FAM174B: variants seen among roughly 807,000 people sequenced by gnomAD.
FAM174B encodes family with sequence similarity 174 member B, also known as membrane protein FAM174B.
Under a neutral mutation model 10.9 loss-of-function variants are expected in FAM174B, and 12 were observed. The observed-to-expected ratio is 1.10, with a 90% CI of 0.71 to 1.79. The LOEUF (loss-of-function observed/expected upper bound fraction) is 1.79. Among genes scored for constraint, FAM174B ranks in the 40% most tolerant of loss-of-function variants. FAM174B has a pLI of 0.00. For missense variants in FAM174B, 266 were observed against 233.3 expected, an observed-to-expected ratio of 1.14 and a Z score of -0.91; for synonymous variants, 132 against 115.8, an observed-to-expected ratio of 1.14 and a Z score of -0.90.
chr15:92,630,772 A>ATATTTTATATATTACATATTACATATTAT lies in FAM174B; in HGVS notation c.345-428_345-427insATAATATGTAATATGTAATATATAAAATA, dbSNP rs1596296609. Among the ~76,000 whole-genome samples the ATATTTTATATATTACATATTACATATTAT allele has an allele frequency of 9.9e-5, 13 of 130,942 alleles. 5 individuals carry two copies. Among genetic ancestry groups the ATATTTTATATATTACATATTACATATTAT allele is most frequent in the East Asian group, 6.4e-4 (3 of 4,714 alleles). The allele number at this position is 130,942 out of a possible 152,430, so 85.9% of individuals were successfully genotyped here. A position where few individuals can be genotyped will look rare whatever the true frequency, so the allele number is the denominator to read the frequency against. The stretch of plus-strand genomic sequence containing the variant: ...ATATTATATAATAATATATAATAAT[A>ATATTTTATATATTACATATTACATATTAT]ATATATTTTATATATTACATATTAC... On this transcript the variant is annotated intron_variant, in intron 1 of 2. Coordinates refer to ENST00000327355, the MANE Select transcript of FAM174B (RefSeq NM_207446.3).
At chr15:92,645,028 A>G (rs1423846148) in intron 1 of FAM174B, among the ~76,000 whole-genome samples, 3 of 152,248 alleles carry the variant, frequency 2.0e-5, no homozygotes, top group African/African-American at 7.2e-5. Flanking sequence ...GCCCCAGGCC[A>G]TCAGTTTACC....
Position 92,619,005 on chromosome 15 carries a change from C to G in FAM174B, c.*451G>C. The G allele has an allele frequency of 1.7e-6, 1 of 599,858 alleles. No individual in the cohort carries two copies. The highest frequency in any genetic ancestry group is 3.0e-6 in the Non-Finnish European group (1 of 338,546). 37.2% of individuals were successfully genotyped at this position (599,858 alleles called of 1,614,324 possible). ...AAAGCAGCAAAGGATCAGATGGGGTCCAATGTGTAGATCCAGTAGAGAAGA... is the reference window on the plus strand; with the variant it reads ...AAAGCAGCAAAGGATCAGATGGGGTGCAATGTGTAGATCCAGTAGAGAAGA... On this transcript the variant is annotated 3_prime_UTR_variant, in exon 3 of 3. Transcript: ENST00000327355.
intron 1 of FAM174B, among the ~76,000 whole-genome samples, chr15:92,647,906 C>T (rs1406841080): frequency 6.6e-6 from 1 of 152,154 alleles, no homozygotes; most frequent in Admixed American, 6.5e-5. Flanking sequence ...CTCTCTGAAG[C>T]CTGCTACCTG....
chr15:92,642,433 G>A (rs2050897723), intron 1 of FAM174B, among the ~76,000 whole-genome samples: 1 of 152,208 alleles, frequency 6.6e-6, no homozygotes, highest in East Asian at 1.9e-4. Flanking sequence ...TGGTTTGGCT[G>A]TGTCCCCACC....
intron 1 of FAM174B, chr15:92,645,442 T>C (rs1029407003): frequency 6.6e-6 from 1 of 152,316 alleles, no homozygotes; most frequent in Non-Finnish European, 1.5e-5. Flanking sequence ...CTAAAGTGTT[T>C]AGCCTCCATC....
At chr15:92,620,706 T>C (rs1487627937) in intron 2 of FAM174B, among the ~76,000 whole-genome samples, 3 of 149,730 alleles carry the variant, frequency 2.0e-5, no homozygotes, top group Admixed American at 6.7e-5. Flanking sequence ...TCCCAGCTAC[T>C]TGGGAGGCTA....
At position 92,617,492 on chromosome 15, in the gene FAM174B, T is replaced by G. The variant is rs999094253; in HGVS notation, c.*1964A>C. ...TATTGGAGAGCCTGTGGCGCTGAAG[T>G]GCCACCAAGGATTTGGAAGGTCACT... On this transcript the variant is annotated 3_prime_UTR_variant, in exon 3 of 3. Coordinates refer to ENST00000327355, the MANE Select transcript of FAM174B (RefSeq NM_207446.3). 2 of 505,620 alleles carry G rather than the reference T, an allele frequency of 4.0e-6. No homozygotes were observed. The highest frequency in any genetic ancestry group is 4.0e-5 in the African/African-American group (2 of 49,628). The allele number at this position is 505,620 out of a possible 1,614,324, so 31.3% of individuals were successfully genotyped here.
In FAM174B at chr15:92,619,204, G is replaced by A. The variant is rs2141945220; in HGVS notation, c.*252C>T. 1.4e-6 allele frequency: 1 copy of A among 702,872 alleles called. No homozygotes were observed. Among genetic ancestry groups the A allele is most frequent in the East Asian group, 2.7e-5 (1 of 37,296 alleles). 43.5% of individuals were successfully genotyped at this position (702,872 alleles called of 1,614,324 possible). On this transcript the variant is annotated 3_prime_UTR_variant, in exon 3 of 3. Coordinates refer to ENST00000327355, the MANE Select transcript of FAM174B (RefSeq NM_207446.3). Reference sequence around the variant, plus strand: ...CACAAAGCCTCTTACATGGGGAGTAGAAGTAGGGGGCACTTTAAAGGGATG... The same window carrying A: ...CACAAAGCCTCTTACATGGGGAGTAAAAGTAGGGGGCACTTTAAAGGGATG...
intron 1 of FAM174B, among the ~76,000 whole-genome samples, chr15:92,644,241 C>T (rs2050911108): frequency 6.6e-6 from 1 of 152,148 alleles, no homozygotes; most frequent in Admixed American, 6.5e-5. Flanking sequence ...TGGCCTGCCA[C>T]CAAGACACAT....
At position 92,620,586 on chromosome 15, in the gene FAM174B, G is replaced by A. The variant is rs989593997; in HGVS notation, c.477-1127C>T. Reference sequence around the variant, plus strand: ...TCCTAGACCTGTGGGAGGCCACGGCGGGTGGATCACTTGAGGTAAGGGGTT... The same window carrying A: ...TCCTAGACCTGTGGGAGGCCACGGCAGGTGGATCACTTGAGGTAAGGGGTT... On this transcript the variant is annotated intron_variant, in intron 2 of 2. Coordinates refer to ENST00000327355, the MANE Select transcript of FAM174B (RefSeq NM_207446.3). Among the ~76,000 whole-genome samples, 5 of 152,080 alleles carry A rather than the reference G, an allele frequency of 3.3e-5. No individual in the cohort carries two copies. In the East Asian group the frequency reaches 5.8e-4, roughly 18 times the overall value.
chr15:92,635,097 C>CCT (rs548982533), intron 1 of FAM174B, among the ~76,000 whole-genome samples: 57 of 93,230 alleles, frequency 6.1e-4, no homozygotes, highest in South Asian at 2.2e-3. Context: ...TTACGATAAG[C>CCT]CTCTCTCTCT....
intron 1 of FAM174B, among the ~76,000 whole-genome samples, chr15:92,642,809 G>T (rs911304511): frequency 5.9e-5 from 9 of 152,008 alleles, no homozygotes; most frequent in Admixed American, 1.3e-4. Context: ...TTGATGAATG[G>T]GTAAATAAAA....
At position 92,628,803 on chromosome 15, in the gene FAM174B, T is replaced by C. The variant is rs140536826; in HGVS notation, c.476+1411A>G. Among the ~76,000 whole-genome samples, 510 of 152,262 alleles carry C rather than the reference T, an allele frequency of 3.3e-3. 7 individuals carry two copies. Among genetic ancestry groups the C allele is most frequent in the Non-Finnish European group, 4.8e-3 (329 of 68,016 alleles). On this transcript the variant is annotated intron_variant, in intron 2 of 2. Coordinates refer to ENST00000327355, the MANE Select transcript of FAM174B (RefSeq NM_207446.3). The stretch of plus-strand genomic sequence containing the variant: ...TTTCTCCAGACATGAGTATAAATAG[T>C]ACTTTAAAGTAAAAAATATACATAT...
intron 1 of FAM174B, among the ~76,000 whole-genome samples, chr15:92,631,041 C>T (rs2050795254): frequency 3.6e-5 from 1 of 27,672 alleles, no homozygotes; most frequent in Non-Finnish European, 6.6e-5. Context: ...TTACATATTA[C>T]ATATTATATA....
Position 92,654,799 on chromosome 15 carries a change from A to AAAAG in FAM174B, c.344+516_344+517insCTTT, listed in dbSNP as rs1555422611. The stretch of plus-strand genomic sequence containing the variant: ...CTTCTTTCAGTAGCAAAAAAAAAAA[A>AAAAG]AAGAAGAAGAAGAAGAAGAAGAAAA... On this transcript the variant is annotated intron_variant, in intron 1 of 2. Coordinates refer to ENST00000327355, the MANE Select transcript of FAM174B (RefSeq NM_207446.3). Among the ~76,000 whole-genome samples, 106 of 146,952 alleles carry AAAAG rather than the reference A, an allele frequency of 7.2e-4. 1 individual carries two copies. Among genetic ancestry groups the AAAAG allele is most frequent in the East Asian group, 3.1e-3 (16 of 5,122 alleles).
chr15:92,648,438 C>T (rs1040029787), intron 1 of FAM174B, among the ~76,000 whole-genome samples: 2 of 152,102 alleles, frequency 1.3e-5, no homozygotes, highest in African/African-American at 4.8e-5. Context: ...TTTACTCAGC[C>T]GTGTTTGCTC....
chr15:92,638,492 C>T (rs2050870074), intron 1 of FAM174B, among the ~76,000 whole-genome samples: 1 of 152,166 alleles, frequency 6.6e-6, no homozygotes, highest in African/African-American at 2.4e-5. Flanking sequence ...TCCTCGCCCT[C>T]ACCCACGAAG....
intron 1 of FAM174B, among the ~76,000 whole-genome samples, chr15:92,647,679 T>A (rs2050937713): frequency 6.6e-6 from 1 of 152,188 alleles, no homozygotes; most frequent in Non-Finnish European, 1.5e-5. Flanking sequence ...CTGTGTAGCA[T>A]CACATGACAG....
At chr15:92,654,077 G>A (rs553392787) in intron 1 of FAM174B, among the ~76,000 whole-genome samples, 2 of 152,314 alleles carry the variant, frequency 1.3e-5, no homozygotes, top group African/African-American at 2.4e-5. Context: ...TGAGGTGAGC[G>A]TGGGACCATA....
Sources: gnomAD v4.1 joint callset for allele counts (sites outside exome capture counted in the v4.1 genomes callset) on GRCh38, gnomAD v4.1.1 for gene constraint, MANE v1.5 for transcripts, NCBI Gene and HGNC (gene_info 2026-07-23, HGNC 2026-07-21) for gene names.